Variants in RNF168 observed in about 807,000 individuals in gnomAD.
RNF168 encodes ring finger protein 168, also known as E3 ubiquitin-protein ligase RNF168.
RNF168 carries 34 observed loss-of-function variants against 34.9 expected under a neutral mutation model. The ratio of observed to expected loss-of-function variants is 0.97; its 90% CI spans 0.74 to 1.30. The LOEUF (loss-of-function observed/expected upper bound fraction) is 1.30. Among genes scored for constraint, RNF168 ranks in the 50% most tolerant of loss-of-function variants. The pLI, the probability that RNF168 is intolerant of heterozygous loss-of-function variation, is 0.00. For synonymous variants in RNF168, 264 were observed against 254.7 expected (o/e 1.04, Z -0.35); for missense variants, 725 against 682.5 (o/e 1.06, Z -0.69).
chr3:196,482,234 T>A, intron 4 of RNF168, among the ~76,000 whole-genome samples: 1 of 152,202 alleles, frequency 6.6e-6, no homozygotes, highest in East Asian at 1.9e-4. Context: ...ACAAGTTGTT[T>A]AGAAATTTTT....
intron 3 of RNF168, among the ~76,000 whole-genome samples, chr3:196,484,453 C>A (rs1448030440): frequency 7.0e-6 from 1 of 143,502 alleles, no homozygotes; most frequent in Non-Finnish European, 1.5e-5. Flanking sequence ...GGATTACAGG[C>A]ATGAGGCACC....
intron 4 of RNF168, among the ~76,000 whole-genome samples, chr3:196,478,663 TTTTAG>T (rs1390017382): frequency 6.6e-6 from 1 of 151,720 alleles, no homozygotes; most frequent in Admixed American, 6.6e-5. Flanking sequence ...ATTTTGTTTA[TTTTAG>T]TTATTTTATT....
chr3:196,475,503 T>G (rs1732123852), intron 4 of RNF168, 191 bp from the exon 5 acceptor site: 3 of 575,716 alleles, frequency 5.2e-6, no homozygotes, highest in Non-Finnish European at 9.3e-6. Flanking sequence ...GTATTGATAT[T>G]TTAGTGAAAA....
chr3:196,474,049 G>A (rs1328343570), intron 5 of RNF168, among the ~76,000 whole-genome samples: 1 of 151,900 alleles, frequency 6.6e-6, no homozygotes, highest in East Asian at 1.9e-4. Flanking sequence ...TCACCTTGGA[G>A]CTCTGCTGCT....
At chr3:196,486,302 A>G (rs1732421568) in intron 3 of RNF168, among the ~76,000 whole-genome samples, 1 of 152,352 alleles carries the variant, frequency 6.6e-6, no homozygotes, top group Admixed American at 6.5e-5. Context: ...GTAAGCAGCA[A>G]AACAGTGTGA....
At chr3:196,491,261 C>A (rs1212039187) in intron 1 of RNF168, among the ~76,000 whole-genome samples, 2 of 151,744 alleles carry the variant, frequency 1.3e-5, no homozygotes, top group Non-Finnish European at 2.9e-5. Context: ...TGCAGTGAGC[C>A]GACATTGCAC....
chr3:196,473,564 C>G (rs940819187), intron 5 of RNF168, among the ~76,000 whole-genome samples: 1 of 152,134 alleles, frequency 6.6e-6, no homozygotes, highest in Non-Finnish European at 1.5e-5. Flanking sequence ...TTAAAGATAT[C>G]TGTAACATGG....
rs143945920 is a variant in RNF168 at position 196,476,841 on chromosome 3, G to A, written c.681-1529C>T. On this transcript the variant is annotated intron_variant, in intron 4 of 5. Transcript: ENST00000318037. ...TGGCTCACTGCAACCTCCGCCTCCC[G>A]GGTTCAAGTGATTCTCCTGCCTCAG... Among the ~76,000 whole-genome samples the A allele has an allele frequency of 5.2e-3, 782 of 149,170 alleles. 5 individuals carry two copies. Among genetic ancestry groups the A allele is most frequent in the African/African-American group, 0.018 (743 of 40,510 alleles).
chr3:196,488,708 A>G, intron 1 of RNF168, 25 bp from the exon 2 acceptor site: 1 of 1,465,154 alleles, frequency 6.8e-7, no homozygotes, highest in South Asian at 1.1e-5. Flanking sequence ...AAAAGAAAAT[A>G]ACATTATAGG....
At chr3:196,494,886 A>G (rs1297155265) in intron 1 of RNF168, among the ~76,000 whole-genome samples, 1 of 152,028 alleles carries the variant, frequency 6.6e-6, no homozygotes, top group Non-Finnish European at 1.5e-5. Context: ...AGCCTGGCGT[A>G]GTGGTGTGTG....
intron 1 of RNF168, among the ~76,000 whole-genome samples, chr3:196,489,413 G>A (rs1427804171): frequency 2.6e-5 from 4 of 151,302 alleles, no homozygotes; most frequent in East Asian, 1.9e-4. Flanking sequence ...TGCAACCTCC[G>A]CCTCCCGGGT....
chr3:196,496,310 G>A (rs1473321499), intron 1 of RNF168, among the ~76,000 whole-genome samples: 2 of 152,076 alleles, frequency 1.3e-5, no homozygotes, highest in Non-Finnish European at 2.9e-5. Flanking sequence ...AACTTGTAGG[G>A]GATCCTTCCT....
chr3:196,476,047 A>T (rs564693102), intron 4 of RNF168, among the ~76,000 whole-genome samples: 1 of 150,890 alleles, frequency 6.6e-6, no homozygotes, highest in African/African-American at 2.4e-5. Context: ...TTTAGTAGAG[A>T]CGGGTTTCAC....
rs117113611 is a variant in RNF168 at position 196,499,767 on chromosome 3, G to A, written c.301+3106C>T. 2.8e-3 allele frequency among the ~76,000 whole-genome samples: 420 copies of A among 152,298 alleles called. 23 individuals carry two copies. In the South Asian group the frequency reaches 0.071, roughly 26 times the overall value. ...ACTCAAAAAAACAACCTGATTAAAT[G>A]ACAGGCAAAGTTGTGGCTTTTTCTG... On this transcript the variant is annotated intron_variant, in intron 1 of 5. Transcript: ENST00000318037.
intron 1 of RNF168, among the ~76,000 whole-genome samples, chr3:196,498,643 A>G (rs1448079313): frequency 6.6e-6 from 1 of 152,240 alleles, no homozygotes; most frequent in Non-Finnish European, 1.5e-5. Context: ...AGAATGGCCA[A>G]TCATATACAG....
At chr3:196,482,370 T>C (rs1732315720) in intron 4 of RNF168, among the ~76,000 whole-genome samples, 1 of 152,246 alleles carries the variant, frequency 6.6e-6, no homozygotes. Context: ...TTGGGTTGTT[T>C]CTACCTTTCG....
At chr3:196,483,704 A>C (rs1732349225) in intron 4 of RNF168, 66 bp downstream of exon 4, 1 of 1,349,192 alleles carries the variant, frequency 7.4e-7, no homozygotes, top group Non-Finnish European at 1.1e-6. Flanking sequence ...GTAGTAGTCT[A>C]TATGAACAGA....
In RNF168 at chr3:196,475,224, A is replaced by G; in HGVS notation, c.762+7T>C. The G allele has an allele frequency of 6.7e-7, 1 of 1,498,626 alleles. No homozygotes were observed. 92.8% of individuals were successfully genotyped at this position (1,498,626 alleles called of 1,614,324 possible). On this transcript the variant is annotated splice_region_variant and intron_variant, in intron 5 of 5. Transcript: ENST00000318037. ...CAAAACTCAGAACATCTTCAGTATC[A>G]ACATACCTTAGATACGGAGTCTTTC...
chr3:196,479,961 G>T lies in RNF168; in HGVS notation c.680+3809C>A, dbSNP rs576778915. On this transcript the variant is annotated intron_variant, in intron 4 of 5. Transcript: ENST00000318037. Reference sequence around the variant, plus strand: ...TGCCTCATGAAAACAAAGTTTATGAGAGAACAGTCATACAATACATGTAAG... The same window carrying T: ...TGCCTCATGAAAACAAAGTTTATGATAGAACAGTCATACAATACATGTAAG... 2.1e-4 allele frequency among the ~76,000 whole-genome samples: 32 copies of T among 152,220 alleles called. 1 individual carries two copies. In the South Asian group the frequency reaches 6.6e-3, roughly 32 times the overall value.
Sources: gnomAD v4.1 joint callset for allele counts (sites outside exome capture counted in the v4.1 genomes callset) on GRCh38, gnomAD v4.1.1 for gene constraint, MANE v1.5 for transcripts, NCBI Gene and HGNC (gene_info 2026-07-23, HGNC 2026-07-21) for gene names.